The following PXDC1 variants were observed in gnomAD, a reference collection of about 807,000 sequenced individuals.
PXDC1 encodes the protein PX domain containing 1.
Under a neutral mutation model 24.4 loss-of-function variants are expected in PXDC1, and 13 were observed. The observed-to-expected ratio is 0.53, with a 90% confidence interval of 0.35 to 0.85. PXDC1 has a LOEUF of 0.85. PXDC1 is among the 40% of genes least tolerant of loss of function. PXDC1 has a pLI of 0.01. For synonymous variants in PXDC1, 162 were observed against 124.9 expected (o/e 1.30, Z -1.98); for missense variants, 344 against 309.3 (o/e 1.11, Z -0.84).
rs559722139 is a variant in PXDC1 at position 3,727,768 on chromosome 6, C to T, written c.467-106G>A. The T allele has an allele frequency of 1.0e-3, 751 of 722,132 alleles. 17 individuals are homozygous for T. The South Asian group carries it at 0.012, about 11-fold the overall frequency. The allele number at this position is 722,132 out of a possible 1,614,324, so 44.7% of individuals were successfully genotyped here. Reference sequence around the variant, plus strand: ...CCTGCTTTCTCCTCCACCTGTTGCCCGTGCCTCTCTTCCACACCGTAAGAG... The same window carrying T: ...CCTGCTTTCTCCTCCACCTGTTGCCTGTGCCTCTCTTCCACACCGTAAGAG... On this transcript the variant is annotated intron_variant, in intron 3 of 4. Coordinates refer to ENST00000380283, the MANE Select transcript of PXDC1 (RefSeq NM_183373.4).
rs142765376 is a variant in PXDC1, at chr6:3,732,558, C to G, written c.466+4521G>C. On this transcript the variant is annotated intron_variant, in intron 3 of 4. Coordinates refer to ENST00000380283, the MANE Select transcript of PXDC1 (RefSeq NM_183373.4). ...ACATTGCACAGCTGCAGCCATGAGGCAGAACGCTCTAAATTCTTGCTTTCT... is the reference window on the plus strand; with the variant it reads ...ACATTGCACAGCTGCAGCCATGAGGGAGAACGCTCTAAATTCTTGCTTTCT... Among the ~76,000 whole-genome samples the G allele has an allele frequency of 2.5e-3, 388 of 152,332 alleles. 1 individual carries two copies. Among genetic ancestry groups the G allele is most frequent in the African/African-American group, 9.0e-3 (374 of 41,582 alleles).
intron 1 of PXDC1, among the ~76,000 whole-genome samples, chr6:3,750,140 A>C (rs1437733807): frequency 6.6e-6 from 1 of 152,204 alleles, no homozygotes; most frequent in Non-Finnish European, 1.5e-5. Context: ...GAACTAAGCT[A>C]ATTATCCACG....
At chr6:3,750,796 C>T (rs1007757503) in intron 1 of PXDC1, among the ~76,000 whole-genome samples, 2 of 152,144 alleles carry the variant, frequency 1.3e-5, no homozygotes, top group African/African-American at 2.4e-5. Context: ...GGGGCGCGCC[C>T]TCCGCGGGGA....
Position 3,751,576 on chromosome 6 carries a change from G to C in PXDC1, c.-45C>G. The C allele has an allele frequency of 6.9e-7, 1 of 1,459,388 alleles. No homozygotes were observed. The highest frequency in any genetic ancestry group is 9.0e-7 in the Non-Finnish European group (1 of 1,109,590). The allele number at this position is 1,459,388 out of a possible 1,614,324, so 90.4% of individuals were successfully genotyped here. On this transcript the variant is annotated 5_prime_UTR_variant, in exon 1 of 5. Coordinates refer to ENST00000380283, the MANE Select transcript of PXDC1 (RefSeq NM_183373.4). ...CAAGGGCTCCCCAGCCCCGCCGCCC[G>C]CCCGCCCGCAGGAGGCGCGCCCCGG...
chr6:3,730,692 G>C (rs1351871187), intron 3 of PXDC1, among the ~76,000 whole-genome samples: 2 of 152,206 alleles, frequency 1.3e-5, no homozygotes, highest in African/African-American at 2.4e-5. Context: ...CGATGGTATA[G>C]ACCATGAACT....
chr6:3,746,685 T>C (rs1760579186), intron 1 of PXDC1, among the ~76,000 whole-genome samples: 1 of 152,104 alleles, frequency 6.6e-6, no homozygotes, highest in East Asian at 1.9e-4. Flanking sequence ...TGCCCGGGAC[T>C]GGTGTGGCCC....
intron 1 of PXDC1, among the ~76,000 whole-genome samples, chr6:3,746,000 G>T (rs959440465): frequency 1.3e-5 from 2 of 152,242 alleles, no homozygotes; most frequent in Non-Finnish European, 2.9e-5. Context: ...GTCTGCAGAA[G>T]AATGTCACCA....
intron 1 of PXDC1, among the ~76,000 whole-genome samples, chr6:3,750,592 T>G (rs903202810): frequency 1.3e-5 from 2 of 152,110 alleles, no homozygotes; most frequent in Non-Finnish European, 2.9e-5. Flanking sequence ...CACCGCGGTT[T>G]CTGAAAACAA....
At position 3,746,785 on chromosome 6, in the gene PXDC1, G is replaced by A. The variant is rs113705372; in HGVS notation, c.256+4491C>T. Among the ~76,000 whole-genome samples the A allele has an allele frequency of 3.2e-4, 48 of 152,234 alleles. 1 individual carries two copies. In the South Asian group the frequency reaches 9.5e-3, roughly 30 times the overall value. On this transcript the variant is annotated intron_variant, in intron 1 of 4. Transcript: ENST00000380283. ...GTGGGATTCTCCCTTATGTTTCAGG[G>A]TAACACAGGGCTTCTCCCCTCACTG...
At chr6:3,738,927 C>T (rs1460397468) in intron 1 of PXDC1, 12 of 1,301,978 alleles carry the variant, frequency 9.2e-6, no homozygotes, top group African/African-American at 4.6e-5. Context: ...AGGACACTGG[C>T]GTCTCCCCCA....
At chr6:3,734,183 C>G (rs1178385412) in intron 3 of PXDC1, among the ~76,000 whole-genome samples, 1 of 152,206 alleles carries the variant, frequency 6.6e-6, no homozygotes, top group Non-Finnish European at 1.5e-5. Context: ...ATGCTCGCCC[C>G]TTAGGGTCCA....
chr6:3,727,663 C>T lies in PXDC1; in HGVS notation c.467-1G>A. 3 of 1,608,336 alleles carry T rather than the reference C, an allele frequency of 1.9e-6. No individual in the cohort carries two copies. Among genetic ancestry groups the T allele is most frequent in the Non-Finnish European group, 2.6e-6 (3 of 1,174,734 alleles). On this transcript the variant is annotated splice_acceptor_variant, in intron 3 of 4. Coordinates refer to ENST00000380283, the MANE Select transcript of PXDC1 (RefSeq NM_183373.4). LOFTEE classifies it high-confidence loss of function. ...CAAAATCCATTGGACCTCATGATTT[C>T]TGAAAACCAAAGCAACAAGGTGAGT...
At chr6:3,748,885 C>A (rs147268471) in intron 1 of PXDC1, among the ~76,000 whole-genome samples, 1 of 152,340 alleles carries the variant, frequency 6.6e-6, no homozygotes, top group East Asian at 1.9e-4. Flanking sequence ...CATTGCAGCA[C>A]AGCAAAGCAC....
At chr6:3,735,284 C>T (rs1425322125) in intron 3 of PXDC1, among the ~76,000 whole-genome samples, 1 of 152,134 alleles carries the variant, frequency 6.6e-6, no homozygotes, top group East Asian at 1.9e-4. Context: ...GAATAGAGAA[C>T]ACAGAAATAA....
rs1759968479 is a variant in PXDC1 at position 3,722,759 on chromosome 6, G to C, written c.*860C>G. The C allele has an allele frequency of 6.6e-6, 1 of 152,590 alleles. No individual in the cohort carries two copies. The highest frequency in any genetic ancestry group is 2.4e-5 in the African/African-American group (1 of 41,434). The allele number at this position is 152,590 out of a possible 1,614,324, so 9.5% of individuals were successfully genotyped here. ...CTGAGCAGAGAAGCTTGAAGAACGG[G>C]GATCCTCTCCTGTGGGCAGGGGAGC... On this transcript the variant is annotated 3_prime_UTR_variant, in exon 5 of 5. Coordinates refer to ENST00000380283, the MANE Select transcript of PXDC1 (RefSeq NM_183373.4).
In PXDC1 at chr6:3,725,455, G is replaced by A. The variant is rs1008898879; in HGVS notation, c.579-1719C>T. Among the ~76,000 whole-genome samples, 2 of 152,222 alleles carry A rather than the reference G, an allele frequency of 1.3e-5. No homozygotes were observed. The highest frequency in any genetic ancestry group is 2.1e-4 in the South Asian group (1 of 4,834). ...GTCCCCACTGGCCCCATCTCTATCA[G>A]ATACATCCATTCCCTGAGTGCAGGT... On this transcript the variant is annotated intron_variant, in intron 4 of 4. Transcript: ENST00000380283. This position sits in a 1 kb window ranked among gnomAD's most constrained non-coding sequence, Gnocchi z 4.8.
intron 1 of PXDC1, among the ~76,000 whole-genome samples, chr6:3,750,348 G>A (rs760075740): frequency 1.3e-5 from 2 of 152,328 alleles, no homozygotes; most frequent in East Asian, 1.9e-4. Context: ...AATGTTCCGA[G>A]CTACAGGTGG....
intron 1 of PXDC1, among the ~76,000 whole-genome samples, chr6:3,747,032 C>A: frequency 6.6e-6 from 1 of 152,276 alleles, no homozygotes; most frequent in Non-Finnish European, 1.5e-5. Flanking sequence ...TGAGCACAGG[C>A]AGGTACATTA....
rs780796412 is a variant in PXDC1 at position 3,724,236 on chromosome 6, G to A, written c.579-500C>T. ...AGCCGGCGAGGCCCGTGGAGGTCAC[G>A]GGGGGAGACACCTTCTAGCGGGGAA... On this transcript the variant is annotated intron_variant, in intron 4 of 4. Coordinates refer to ENST00000380283, the MANE Select transcript of PXDC1 (RefSeq NM_183373.4). The surrounding 1 kb of genome is among the most constrained non-coding windows in gnomAD (Gnocchi z 4.5). 5.9e-5 allele frequency among the ~76,000 whole-genome samples: 9 copies of A among 152,056 alleles called. No homozygotes were observed. The South Asian group carries it at 6.2e-4, about 11-fold the overall frequency.
Sources: allele counts gnomAD v4.1 joint callset (sites outside exome capture counted in the v4.1 genomes callset), GRCh38; gene constraint gnomAD v4.1.1; non-coding constraint Gnocchi (gnomAD v3.1); transcripts MANE v1.5; gene names NCBI Gene and HGNC (gene_info 2026-07-23, HGNC 2026-07-21).